The following NALF1 variants were observed in gnomAD, a reference collection of about 807,000 sequenced individuals.
NALF1 encodes the protein NALCN channel auxiliary factor 1.
A neutral mutation model predicts 48.4 loss-of-function variants in NALF1; 3 were observed. That is an observed-to-expected ratio of 0.06 (90% CI 0.03 to 0.16). The LOEUF (loss-of-function observed/expected upper bound fraction) is 0.16, where lower values mean the gene tolerates loss of function less well. Ranked by LOEUF, NALF1 falls within the 10% of genes least tolerant of loss-of-function variation. NALF1 has a pLI of 1.00. For missense variants in NALF1, 526 were observed against 571.5 expected, an observed-to-expected ratio of 0.92 and a Z score of 0.81; for synonymous variants, 262 against 245.7, an observed-to-expected ratio of 1.07 and a Z score of -0.62.
chr13:107,767,225 G>A (rs527433525), intron 1 of NALF1, among the ~76,000 whole-genome samples: 18 of 152,320 alleles, frequency 1.2e-4, no homozygotes, highest in South Asian at 2.1e-4. Context: ...GACCTTTTAG[G>A]AGTTTTTCTA....
intron 1 of NALF1, among the ~76,000 whole-genome samples, chr13:107,452,831 G>T (rs1184740779): frequency 2.0e-5 from 3 of 152,152 alleles, no homozygotes; most frequent in Non-Finnish European, 2.9e-5. Flanking sequence ...AGATACAAAG[G>T]GGGTAAAGGC....
At chr13:107,824,016 C>T (rs543293156) in intron 1 of NALF1, among the ~76,000 whole-genome samples, 2 of 142,572 alleles carry the variant, frequency 1.4e-5, no homozygotes, top group East Asian at 2.1e-4. Flanking sequence ...TGGTCCCCAT[C>T]ATTCCTTAAA....
At chr13:107,818,858 C>T (rs1001765227) in intron 1 of NALF1, among the ~76,000 whole-genome samples, 8 of 82,256 alleles carry the variant, frequency 9.7e-5, no homozygotes, top group African/African-American at 3.9e-4. Flanking sequence ...GGCGACAGAG[C>T]GAGACTCCGT....
intron 2 of NALF1, among the ~76,000 whole-genome samples, chr13:107,201,469 C>G (rs965298471): frequency 6.6e-6 from 1 of 151,972 alleles, no homozygotes; most frequent in African/African-American, 2.4e-5. Context: ...CCCAGCTACT[C>G]GGGAGGCTGA....
At chr13:107,796,718 C>A (rs1447145473) in intron 1 of NALF1, among the ~76,000 whole-genome samples, 1 of 152,170 alleles carries the variant, frequency 6.6e-6, no homozygotes, top group Non-Finnish European at 1.5e-5. Flanking sequence ...ATCTTCCCAA[C>A]AGTCCCCATT....
chr13:107,478,414 A>C (rs922748911), intron 1 of NALF1, among the ~76,000 whole-genome samples: 15 of 152,184 alleles, frequency 9.9e-5, no homozygotes, highest in African/African-American at 3.6e-4. Flanking sequence ...TCAAAACAAA[A>C]ATACCTAGAA....
intron 1 of NALF1, among the ~76,000 whole-genome samples, chr13:107,353,659 A>G (rs1882913268): frequency 6.6e-6 from 1 of 152,214 alleles, no homozygotes; most frequent in Non-Finnish European, 1.5e-5. Context: ...GACTCAGCCA[A>G]TGAGGACATG....
intron 1 of NALF1, among the ~76,000 whole-genome samples, chr13:107,579,163 C>T (rs1258748921): frequency 1.3e-5 from 2 of 152,202 alleles, no homozygotes; most frequent in African/African-American, 4.8e-5. Flanking sequence ...ACAATCTCAG[C>T]TCACTGCAAC....
intron 2 of NALF1, among the ~76,000 whole-genome samples, chr13:107,175,084 T>A (rs1878896680): frequency 8.4e-6 from 1 of 119,316 alleles, no homozygotes; most frequent in Non-Finnish European, 1.7e-5. Flanking sequence ...AGAGACGGGG[T>A]TTCATCGTGT....
intron 1 of NALF1, among the ~76,000 whole-genome samples, chr13:107,388,188 T>G (rs565524032): frequency 1.3e-5 from 2 of 152,376 alleles, no homozygotes; most frequent in African/African-American, 4.8e-5. Context: ...TCATTTATAA[T>G]GTACGTCATT....
intron 2 of NALF1, among the ~76,000 whole-genome samples, chr13:107,173,503 C>G (rs1878847400): frequency 6.6e-6 from 1 of 152,114 alleles, no homozygotes; most frequent in Non-Finnish European, 1.5e-5. Flanking sequence ...CCAGTTCTTT[C>G]AGCTGCATGA....
intron 1 of NALF1, among the ~76,000 whole-genome samples, chr13:107,286,716 A>G (rs2147453): frequency 0.31 from 46,810 of 152,154 alleles, 8,911 homozygotes; most frequent in South Asian, 0.54. Flanking sequence ...TGGAAACAGA[A>G]CGACATATTG....
At chr13:107,237,627 T>C (rs1398021892) in intron 1 of NALF1, among the ~76,000 whole-genome samples, 1 of 152,166 alleles carries the variant, frequency 6.6e-6, no homozygotes, top group Non-Finnish European at 1.5e-5. Context: ...CTATATTGTT[T>C]AGGGAATAAT....
intron 1 of NALF1, among the ~76,000 whole-genome samples, chr13:107,573,893 T>G (rs1878059128): frequency 6.6e-6 from 1 of 152,342 alleles, no homozygotes; most frequent in South Asian, 2.1e-4. Flanking sequence ...CATGTGGAGC[T>G]GTGAGTCAAT....
At chr13:107,442,170 G>A (rs1002591632) in intron 1 of NALF1, among the ~76,000 whole-genome samples, 5 of 151,976 alleles carry the variant, frequency 3.3e-5, no homozygotes, top group South Asian at 2.1e-4. Flanking sequence ...TGAAAAACTC[G>A]TTAGGAGAAA....
intron 1 of NALF1, among the ~76,000 whole-genome samples, chr13:107,760,856 T>A (rs911812179): frequency 2.0e-5 from 3 of 152,154 alleles, no homozygotes; most frequent in African/African-American, 7.2e-5. Flanking sequence ...CCTAATTTTT[T>A]GCAGTAGTAG....
chr13:107,426,836 A>G (rs994194443), intron 1 of NALF1, among the ~76,000 whole-genome samples: 1 of 152,102 alleles, frequency 6.6e-6, no homozygotes, highest in Non-Finnish European at 1.5e-5. Context: ...GAAAAACTCA[A>G]TTGATGGTAT....
At chr13:107,343,113 G>A (rs1249019362) in intron 1 of NALF1, among the ~76,000 whole-genome samples, 1 of 152,140 alleles carries the variant, frequency 6.6e-6, no homozygotes, top group Non-Finnish European at 1.5e-5. Context: ...TCCCAGGATA[G>A]ATCACACATT....
At chr13:107,549,913 T>A (rs1162273868) in intron 1 of NALF1, among the ~76,000 whole-genome samples, 1 of 152,140 alleles carries the variant, frequency 6.6e-6, no homozygotes, top group Non-Finnish European at 1.5e-5. Flanking sequence ...TCAACTATTC[T>A]GTTCATTTGG....
Sources: allele counts gnomAD v4.1 joint callset (sites outside exome capture counted in the v4.1 genomes callset), GRCh38; gene constraint gnomAD v4.1.1; transcripts MANE v1.5; gene names NCBI Gene and HGNC (gene_info 2026-07-23, HGNC 2026-07-21).